The following FYB1 variants were observed in gnomAD, a reference collection of about 807,000 sequenced individuals.
FYB1 encodes the protein FYN-binding protein 1.
Under a neutral mutation model 94.1 loss-of-function variants are expected in FYB1, and 41 were observed. That is an observed-to-expected ratio of 0.44 (90% CI 0.34 to 0.57). The LOEUF (loss-of-function observed/expected upper bound fraction) is 0.57, where lower values mean the gene tolerates loss of function less well. Ranked by LOEUF, FYB1 falls within the 20% of genes least tolerant of loss-of-function variation. FYB1 has a pLI of 0.02. For missense variants in FYB1, 1,050 were observed against 976.8 expected (o/e 1.07, Z -1.00); for synonymous variants, 367 against 353.2 (o/e 1.04, Z -0.44).
intron 10 of FYB1, among the ~76,000 whole-genome samples, chr5:39,130,050 G>A (rs144469792): frequency 2.0e-5 from 3 of 151,132 alleles, no homozygotes; most frequent in African/African-American, 7.3e-5. Flanking sequence ...TTGTCTATAC[G>A]CAATGAAATA....
chr5:39,124,230 T>C (rs1473419612), intron 13 of FYB1, 23 bp downstream of exon 13: 5 of 1,518,392 alleles, frequency 3.3e-6, no homozygotes, highest in Non-Finnish European at 4.5e-6. Flanking sequence ...ATACAGAACA[T>C]ACAATCAGTT....
intron 1 of FYB1, among the ~76,000 whole-genome samples, chr5:39,226,379 C>T (rs1005315610): frequency 7.1e-6 from 1 of 140,768 alleles, no homozygotes; most frequent in Non-Finnish European, 1.5e-5. Context: ...TTAAGCCTTT[C>T]ACTAGCTTTC....
chr5:39,244,886 G>C (rs929608326), intron 1 of FYB1, among the ~76,000 whole-genome samples: 1 of 152,040 alleles, frequency 6.6e-6, no homozygotes, highest in South Asian at 2.1e-4. Flanking sequence ...TATGTGTCGA[G>C]GTATTTATCC....
intron 14 of FYB1, among the ~76,000 whole-genome samples, chr5:39,121,758 G>A (rs1740129756): frequency 6.6e-6 from 1 of 151,954 alleles, no homozygotes; most frequent in South Asian, 2.1e-4. Context: ...TACAATTTTA[G>A]CCTAAAATTA....
chr5:39,116,279 A>G (rs1424468650), intron 16 of FYB1, among the ~76,000 whole-genome samples: 1 of 152,222 alleles, frequency 6.6e-6, no homozygotes, highest in East Asian at 1.9e-4. Flanking sequence ...CAACATGTAT[A>G]TAAGTGCTAC....
intron 2 of FYB1, among the ~76,000 whole-genome samples, chr5:39,178,152 T>G (rs1213989709): frequency 6.6e-6 from 1 of 152,234 alleles, no homozygotes; most frequent in Non-Finnish European, 1.5e-5. Flanking sequence ...TCAAATATGA[T>G]TTGGAAATTG....
At chr5:39,204,116 A>G (rs1748625458) in intron 1 of FYB1, among the ~76,000 whole-genome samples, 1 of 151,974 alleles carries the variant, frequency 6.6e-6, no homozygotes, top group Non-Finnish European at 1.5e-5. Flanking sequence ...GGCACATTTC[A>G]TCTTTCAAGG....
Position 39,138,429 on chromosome 5 carries a change from G to T in FYB1, c.1394+228C>A, listed in dbSNP as rs1481635394. 7.9e-6 allele frequency: 3 copies of T among 381,068 alleles called. No homozygotes were observed. In the South Asian group the frequency reaches 1.5e-4, roughly 19 times the overall value. 23.6% of individuals were successfully genotyped at this position (381,068 alleles called of 1,614,324 possible). ...TCCCTGACTGTGGTTTATCTCAGAG[G>T]CATGTCTCTGGCCTCTCACACAATA... On this transcript the variant is annotated intron_variant, in intron 6 of 18. Coordinates refer to ENST00000512982, the MANE Select transcript of FYB1 (RefSeq NM_001465.6).
At chr5:39,126,686 A>C (rs1307487515) in intron 11 of FYB1, among the ~76,000 whole-genome samples, 6 of 120,526 alleles carry the variant, frequency 5.0e-5, no homozygotes, top group Non-Finnish European at 9.5e-5. Context: ...ACAGAGTGAG[A>C]CCTGGTCTCA....
chr5:39,160,257 G>T (rs1204709650), intron 2 of FYB1, among the ~76,000 whole-genome samples: 2 of 152,176 alleles, frequency 1.3e-5, no homozygotes, highest in Non-Finnish European at 2.9e-5. Flanking sequence ...TGGTATGGTA[G>T]TTCTTAATAA....
At chr5:39,208,017 G>A (rs1749015823) in intron 1 of FYB1, among the ~76,000 whole-genome samples, 1 of 152,122 alleles carries the variant, frequency 6.6e-6, no homozygotes, top group Non-Finnish European at 1.5e-5. Context: ...CAGGAAGTCT[G>A]CTTTTAATTT....
At chr5:39,111,334 G>T (rs1739060784) in intron 16 of FYB1, among the ~76,000 whole-genome samples, 1 of 151,754 alleles carries the variant, frequency 6.6e-6, no homozygotes, top group South Asian at 2.1e-4. Context: ...TCAATCTATT[G>T]GTTTTGGTCC....
Position 39,235,548 on chromosome 5 carries a change from A to G in FYB1, c.-27-32561T>C, listed in dbSNP as rs1579754099. 4.7e-5 allele frequency among the ~76,000 whole-genome samples: 7 copies of G among 149,682 alleles called. No homozygotes were observed. In the South Asian group the frequency reaches 1.5e-3, roughly 31 times the overall value. On this transcript the variant is annotated intron_variant, in intron 1 of 1. Coordinates refer to the FYB1 transcript ENST00000510188. ...GACTACTTTGTTTCCCTTCCTGCCA[A>G]TTAAATCTAATTAAATCTTTACTTG...
chr5:39,151,208 C>A (rs993497183), intron 3 of FYB1, among the ~76,000 whole-genome samples: 10 of 152,224 alleles, frequency 6.6e-5, no homozygotes, highest in African/African-American at 1.9e-4. Context: ...CACTCCACCT[C>A]CACCACTTAC....
intron 2 of FYB1, chr5:39,169,440 T>C (rs935405869): frequency 2.7e-6 from 2 of 735,050 alleles, no homozygotes; most frequent in Non-Finnish European, 5.1e-6. Flanking sequence ...AACAGGAACA[T>C]TTCACAGAAG....
intron 1 of FYB1, among the ~76,000 whole-genome samples, chr5:39,247,674 T>G (rs835187): frequency 1.3e-5 from 2 of 151,954 alleles, no homozygotes; most frequent in African/African-American, 4.8e-5. Context: ...TTTCTTTATA[T>G]GTCAATTGTG....
At chr5:39,120,431 A>G (rs963975186) in intron 14 of FYB1, among the ~76,000 whole-genome samples, 1 of 152,172 alleles carries the variant, frequency 6.6e-6, no homozygotes, top group Non-Finnish European at 1.5e-5. Flanking sequence ...AGCCTAAAAC[A>G]GTGATTTTTG....
intron 1 of FYB1, among the ~76,000 whole-genome samples, chr5:39,259,558 A>G (rs879586587): frequency 1.3e-5 from 2 of 152,224 alleles, no homozygotes; most frequent in African/African-American, 4.8e-5. Flanking sequence ...TGTCTACAAC[A>G]TGAAATTCCA....
At chr5:39,134,712 C>G in intron 8 of FYB1, 143 bp downstream of exon 8, 1 of 771,290 alleles carries the variant, frequency 1.3e-6, no homozygotes, top group East Asian at 2.7e-5. Flanking sequence ...GGAACTATAC[C>G]TGCCATTTAA....
Sources: gnomAD v4.1 joint callset for allele counts (sites outside exome capture counted in the v4.1 genomes callset) on GRCh38, gnomAD v4.1.1 for gene constraint, MANE v1.5 for transcripts, NCBI Gene and HGNC (gene_info 2026-07-23, HGNC 2026-07-21) for gene names.